The following PIWIL3 variants were observed in gnomAD, a reference collection of about 807,000 sequenced individuals.
The protein encoded by PIWIL3 is piwi-like protein 3.
Under a neutral mutation model 109.7 loss-of-function variants are expected in PIWIL3, and 101 were observed. That is an observed-to-expected ratio of 0.92 (90% CI 0.78 to 1.09). PIWIL3 has a LOEUF of 1.09. Among genes scored for constraint, PIWIL3 ranks in the 50% least tolerant of loss-of-function variants. The pLI is 0.00. For synonymous variants in PIWIL3, 373 were observed against 376.4 expected (o/e 0.99, Z 0.10); for missense variants, 1,031 against 1,072.6 (o/e 0.96, Z 0.54).
At chr22:24,734,680 G>A (rs560037832) in intron 13 of PIWIL3, among the ~76,000 whole-genome samples, 6 of 152,110 alleles carry the variant, frequency 3.9e-5, no homozygotes, top group African/African-American at 1.4e-4. Flanking sequence ...GCTTGACCAG[G>A]TTCTCACAGT....
rs1023026271 is a variant in PIWIL3 at position 24,720,265 on chromosome 22, T to G, written c.2358-370A>C. 8.1e-4 allele frequency among the ~76,000 whole-genome samples: 45 copies of G among 55,476 alleles called. 5 individuals carry two copies. The highest frequency in any genetic ancestry group is 8.0e-3 in the East Asian group (24 of 3,008). 36.4% of individuals were successfully genotyped at this position (55,476 alleles called of 152,430 possible). A position where few individuals can be genotyped will look rare whatever the true frequency, so the allele number is the denominator to read the frequency against. ...ACTGGACTATATTTAAACTGTTTTT[T>G]TTTTTTTTTTTTTTTTTTTTTTTTT... On this transcript the variant is annotated intron_variant, in intron 19 of 20. Transcript: ENST00000616349.
At chr22:24,749,129 C>T in intron 11 of PIWIL3, 108 bp from the exon 12 acceptor site, 1 of 934,132 alleles carries the variant, frequency 1.1e-6, no homozygotes, top group Non-Finnish European at 1.6e-6. Context: ...CACTTGTCCG[C>T]AGCATTGAGA....
At chr22:24,731,807 G>A (rs984105446) in intron 14 of PIWIL3, among the ~76,000 whole-genome samples, 4 of 152,128 alleles carry the variant, frequency 2.6e-5, no homozygotes, top group African/African-American at 9.7e-5. Context: ...ACTCGTTACA[G>A]AAATAAAAAC....
At chr22:24,772,205 ATAT>A (rs1292629315) in intron 1 of PIWIL3, among the ~76,000 whole-genome samples, 10 of 152,246 alleles carry the variant, frequency 6.6e-5, no homozygotes, top group Non-Finnish European at 2.9e-5. Flanking sequence ...TTTGATAATC[ATAT>A]TAATAAAGAG....
chr22:24,728,086 A>C lies in PIWIL3; in HGVS notation c.1906-33T>G, dbSNP rs373112833. ...TTGTTTTTGAAAAGGTAATGGAGTT[A>C]GAACGTGAGCAAAATTTAAGCATTA... On this transcript the variant is annotated intron_variant, in intron 15 of 20. Coordinates refer to ENST00000616349, the MANE Select transcript of PIWIL3 (RefSeq NM_001255975.1). The C allele has an allele frequency of 3.7e-6, 6 of 1,608,674 alleles. No individual in the cohort carries two copies. The African/African-American group carries it at 8.0e-5, about 22-fold the overall frequency.
At chr22:24,748,867 T>G (rs1206238543) in intron 12 of PIWIL3, 40 bp downstream of exon 12, 8 of 1,511,764 alleles carry the variant, frequency 5.3e-6, no homozygotes, top group Non-Finnish European at 7.2e-6. Context: ...TACTCTTCAT[T>G]TGACCCCACC....
chr22:24,741,689 C>T (rs1569102734), intron 12 of PIWIL3, among the ~76,000 whole-genome samples: 1 of 152,128 alleles, frequency 6.6e-6, no homozygotes, highest in South Asian at 2.1e-4. Context: ...ATCAAGTACT[C>T]TCTCAGACCA....
At chr22:24,762,664 G>T in intron 1 of PIWIL3, 143 bp from the exon 2 acceptor site, 2 of 714,722 alleles carry the variant, frequency 2.8e-6, no homozygotes, top group Non-Finnish European at 2.1e-6. Context: ...TGGCTGGAAA[G>T]TCCAAGACTG....
chr22:24,741,520 A>G (rs1046280246), intron 12 of PIWIL3, among the ~76,000 whole-genome samples: 3 of 152,212 alleles, frequency 2.0e-5, no homozygotes, highest in Non-Finnish European at 4.4e-5. Flanking sequence ...ACAAAAACAA[A>G]CAAACAAAAA....
chr22:24,735,412 A>T (rs976029603), intron 13 of PIWIL3, among the ~76,000 whole-genome samples: 10 of 152,232 alleles, frequency 6.6e-5, no homozygotes, highest in African/African-American at 2.4e-4. Flanking sequence ...CTGTAAACCT[A>T]AAACTTCTCT....
chr22:24,750,483 TTTTTTTTC>T lies in PIWIL3; in HGVS notation c.1090-672_1090-665del, dbSNP rs1023839154. On this transcript the variant is annotated intron_variant, in intron 9 of 20. Coordinates refer to ENST00000616349, the MANE Select transcript of PIWIL3 (RefSeq NM_001255975.1). ...TTATCTGAAGTCTTACCACATTTGA[TTTTTTTTC>T]TTTTTTTTTTTTTTGAGATGGAGTT... 1.0e-4 allele frequency among the ~76,000 whole-genome samples: 8 copies of T among 78,686 alleles called. No individual in the cohort carries two copies. In the East Asian group the frequency reaches 2.4e-3, roughly 24 times the overall value. 51.6% of individuals were successfully genotyped at this position (78,686 alleles called of 152,430 possible).
At chr22:24,748,820 A>G in intron 12 of PIWIL3, 87 bp downstream of exon 12, 1 of 979,262 alleles carries the variant, frequency 1.0e-6, no homozygotes, top group South Asian at 1.6e-5. Flanking sequence ...CAGCAGTCGT[A>G]GTCATTACTG....
intron 1 of PIWIL3, among the ~76,000 whole-genome samples, chr22:24,763,804 G>A (rs1045247308): frequency 1.1e-4 from 16 of 150,598 alleles, no homozygotes; most frequent in African/African-American, 3.9e-4. Flanking sequence ...CGCATCCTGA[G>A]TGGGACCTCC....
chr22:24,749,267 G>A (rs1221565319), intron 11 of PIWIL3, 137 bp downstream of exon 11: 1 of 1,362,412 alleles, frequency 7.3e-7, no homozygotes, highest in African/African-American at 1.5e-5. Context: ...AAAAACTAGA[G>A]TTGTCCCCCA....
rs778025618 is a variant in PIWIL3 at position 24,728,028 on chromosome 22, A to G, written c.1931T>C (p.Ile644Thr). ...ATTTACGATATCGTGGAAACAATCA[A>G]TGCCAACGAACATTGTTCTTTGTAC... ...TDVQRTMFVG[I>T]DCFHDIVNRQ... Residue 644 changes from isoleucine to threonine, a missense_variant, in exon 16 of 21, where the codon ATT becomes ACT. Ile to Thr is a moderately conservative substitution (Grantham distance 89, BLOSUM62 -1). Coordinates refer to ENST00000616349, the MANE Select transcript of PIWIL3 (RefSeq NM_001255975.1). 4 of 1,614,116 alleles carry G rather than the reference A, an allele frequency of 2.5e-6. No individual in the cohort carries two copies. The highest frequency in any genetic ancestry group is 1.7e-5 in the Admixed American group (1 of 60,028).
chr22:24,744,574 A>G (rs1214923656), intron 12 of PIWIL3, among the ~76,000 whole-genome samples: 4 of 152,176 alleles, frequency 2.6e-5, no homozygotes, highest in African/African-American at 9.6e-5. Flanking sequence ...CTCTGTCTCA[A>G]AAACAAAAAC....
rs139040174 is a variant in PIWIL3, at chr22:24,719,782, G to A, written c.2471C>T (p.Thr824Ile). ...ATAATACATGTGGCATAGACAATAT[G>A]TTAAACGCTGTACTGTATCTGGGCT... ...GLSPDTVQRL[T>I]YCLCHMYYNL... Residue 824 changes from threonine (T) to isoleucine (I), a missense_variant, in exon 20 of 21, where the codon ACA (threonine) becomes ATA (isoleucine). Physicochemically the swap from Thr to Ile is moderately conservative, Grantham distance 89. Coordinates refer to ENST00000616349, the MANE Select transcript of PIWIL3 (RefSeq NM_001255975.1). The A allele has an allele frequency of 3.7e-6, 6 of 1,613,282 alleles. No individual in the cohort carries two copies. In the African/African-American group the frequency reaches 8.0e-5, roughly 22 times the overall value.
intron 1 of PIWIL3, among the ~76,000 whole-genome samples, chr22:24,774,013 A>G (rs1468813760): frequency 1.3e-5 from 2 of 152,106 alleles, no homozygotes; most frequent in African/African-American, 4.8e-5. Flanking sequence ...GTGGCTGACC[A>G]AGATGCTCTA....
At chr22:24,723,369 GC>G in intron 18 of PIWIL3, 114 bp from the exon 19 acceptor site, 1 of 1,089,930 alleles carries the variant, frequency 9.2e-7, no homozygotes, top group Non-Finnish European at 1.3e-6. Flanking sequence ...ACAGACAGCA[GC>G]CCTCCTTACA....
Sources: allele counts gnomAD v4.1 joint callset (sites outside exome capture counted in the v4.1 genomes callset), GRCh38; gene constraint gnomAD v4.1.1; transcripts MANE v1.5; gene names NCBI Gene and HGNC (gene_info 2026-07-23, HGNC 2026-07-21).